The following KIAA0232 variants were observed in gnomAD, a reference collection of about 807,000 sequenced individuals.
The protein encoded by KIAA0232 is uncharacterized protein KIAA0232.
In KIAA0232, 27 loss-of-function variants were observed where a neutral mutation model predicts 122.0. The observed-to-expected ratio is 0.22, with a 90% CI of 0.16 to 0.31. The LOEUF (loss-of-function observed/expected upper bound fraction) is 0.31. Ranked by LOEUF, KIAA0232 falls within the 10% of genes least tolerant of loss-of-function variation. KIAA0232 has a pLI of 1.00. For synonymous variants in KIAA0232, 613 were observed against 587.6 expected (o/e 1.04, Z -0.63); for missense variants, 1,551 against 1,634.2 (o/e 0.95, Z 0.88).
At chr4:6,785,146 C>T (rs1716561440) in intron 1 of KIAA0232, among the ~76,000 whole-genome samples, 1 of 152,046 alleles carries the variant, frequency 6.6e-6, no homozygotes, top group African/African-American at 2.4e-5. Flanking sequence ...ACCGTGTTAG[C>T]CAGGATGGTC....
intron 4 of KIAA0232, 64 bp downstream of exon 4, chr4:6,842,268 ATATGACAACTTGACCTCC>A: frequency 6.6e-7 from 1 of 1,507,774 alleles, no homozygotes; most frequent in Non-Finnish European, 8.9e-7. Context: ...AAGTTTACAA[ATATGACAACTTGACCTCC>A]AAAAACTGGG....
Position 6,797,248 on chromosome 4 carries a change from A to G in KIAA0232, c.-353-7275A>G, listed in dbSNP as rs530949368. Among the ~76,000 whole-genome samples the G allele has an allele frequency of 2.6e-5, 4 of 152,298 alleles. No homozygotes were observed. In the South Asian group the frequency reaches 6.2e-4, roughly 24 times the overall value. On this transcript the variant is annotated intron_variant, in intron 1 of 9. Coordinates refer to ENST00000307659, the MANE Select transcript of KIAA0232 (RefSeq NM_014743.3). ...TACTTAGGCCTTGCCAGGGTGGGCA[A>G]AAGATGACGTTGAAAAAGATCAGGT...
intron 4 of KIAA0232, among the ~76,000 whole-genome samples, chr4:6,846,461 T>C (rs1460371247): frequency 6.6e-6 from 1 of 152,102 alleles, no homozygotes; most frequent in African/African-American, 2.4e-5. Flanking sequence ...CAAACCCTAT[T>C]GTGGACTGAG....
At chr4:6,805,803 T>G (rs1443611294) in intron 2 of KIAA0232, among the ~76,000 whole-genome samples, 1 of 152,204 alleles carries the variant, frequency 6.6e-6, no homozygotes, top group African/African-American at 2.4e-5. Context: ...TATTTTAGTT[T>G]TTTTCCAAGT....
intron 1 of KIAA0232, among the ~76,000 whole-genome samples, chr4:6,804,148 G>A (rs906601491): frequency 5.3e-5 from 8 of 152,252 alleles, no homozygotes; most frequent in African/African-American, 1.7e-4. Context: ...CAGATTCAAG[G>A]ATGCCTTAAA....
At chr4:6,844,391 C>A (rs75914380) in intron 4 of KIAA0232, among the ~76,000 whole-genome samples, 22 of 152,162 alleles carry the variant, frequency 1.4e-4, no homozygotes, top group African/African-American at 4.6e-4. Context: ...CTGTTTTCTT[C>A]TCCCCCACCT....
chr4:6,820,667 T>G lies in KIAA0232; in HGVS notation c.-269-3518T>G, dbSNP rs1718379093. Among the ~76,000 whole-genome samples, 18 of 152,230 alleles carry G rather than the reference T, an allele frequency of 1.2e-4. 1 individual carries two copies. The South Asian group carries it at 3.6e-3, about 31-fold the overall frequency. ...TATTAAATAAAAGCTCTACAATGTT[T>G]TGTATTATTTTTGTTTAAGCAATTG... On this transcript the variant is annotated intron_variant, in intron 2 of 9. Transcript: ENST00000307659.
chr4:6,831,608 A>G (rs1275762304), intron 3 of KIAA0232, among the ~76,000 whole-genome samples: 2 of 152,192 alleles, frequency 1.3e-5, no homozygotes, highest in Non-Finnish European at 2.9e-5. Flanking sequence ...AAAATGTACA[A>G]CTTGATGAAT....
chr4:6,825,866 G>T (rs1006601544), intron 3 of KIAA0232, among the ~76,000 whole-genome samples: 2 of 152,152 alleles, frequency 1.3e-5, no homozygotes, highest in African/African-American at 4.8e-5. Flanking sequence ...GGGTTTCATT[G>T]TCAGGAGATA....
At chr4:6,874,570 C>T (rs1721655919) in intron 8 of KIAA0232, among the ~76,000 whole-genome samples, 1 of 152,134 alleles carries the variant, frequency 6.6e-6, no homozygotes, top group Non-Finnish European at 1.5e-5. Context: ...ATGTAAGCGT[C>T]TGGATGATTT....
At chr4:6,846,229 A>G (rs1192786686) in intron 4 of KIAA0232, among the ~76,000 whole-genome samples, 1 of 152,140 alleles carries the variant, frequency 6.6e-6, no homozygotes, top group Non-Finnish European at 1.5e-5. Flanking sequence ...TATGGAATGA[A>G]TGAGGAGAGT....
At chr4:6,833,647 G>GA (rs201974616) in intron 3 of KIAA0232, among the ~76,000 whole-genome samples, 3 of 149,926 alleles carry the variant, frequency 2.0e-5, no homozygotes, top group Non-Finnish European at 3.0e-5. Flanking sequence ...AGGAAAAAAA[G>GA]AAAAAAAAAG....
chr4:6,808,752 A>G (rs1717749742), intron 2 of KIAA0232, among the ~76,000 whole-genome samples: 1 of 152,070 alleles, frequency 6.6e-6, no homozygotes, highest in Non-Finnish European at 1.5e-5. Flanking sequence ...CCCACCTGCT[A>G]GTATTATGAA....
intron 8 of KIAA0232, among the ~76,000 whole-genome samples, chr4:6,874,670 T>G (rs1721659390): frequency 6.6e-6 from 1 of 152,170 alleles, no homozygotes; most frequent in East Asian, 1.9e-4. Flanking sequence ...ATCCAGAGCT[T>G]CTTTCCCCAG....
At chr4:6,814,983 A>G (rs1718052409) in intron 2 of KIAA0232, among the ~76,000 whole-genome samples, 1 of 152,182 alleles carries the variant, frequency 6.6e-6, no homozygotes. Context: ...CATAAGAGAA[A>G]GATAAGATGA....
chr4:6,784,677 A>G (rs902991286), intron 1 of KIAA0232, among the ~76,000 whole-genome samples: 1 of 152,234 alleles, frequency 6.6e-6, no homozygotes. Flanking sequence ...TAATCATTCA[A>G]AAAGTGGTTT....
chr4:6,875,182 A>C lies in KIAA0232; in HGVS notation c.3911-1478A>C, dbSNP rs1189383124. 2.0e-5 allele frequency among the ~76,000 whole-genome samples: 3 copies of C among 152,232 alleles called. No individual in the cohort carries two copies. In the East Asian group the frequency reaches 5.8e-4, roughly 29 times the overall value. On this transcript the variant is annotated intron_variant, in intron 8 of 9. Coordinates refer to ENST00000307659, the MANE Select transcript of KIAA0232 (RefSeq NM_014743.3). ...GCCGCCCTAGGGCAACCACGCCTCC[A>C]AGCCTATGGCTTTGATAAGCAGCGG...
chr4:6,864,339 A>T lies in KIAA0232; in HGVS notation c.3801+156A>T, dbSNP rs763788758. Among the ~76,000 whole-genome samples the T allele has an allele frequency of 1.2e-3, 177 of 152,236 alleles. 1 individual carries two copies. Among genetic ancestry groups the T allele is most frequent in the Non-Finnish European group, 2.2e-3 (153 of 68,038 alleles). ...GTTCTAATTTTACATGTAAGGACTT[A>T]AAATGGATTTGATATTTATGAATTT... On this transcript the variant is annotated intron_variant, in intron 7 of 9. Coordinates refer to ENST00000307659, the MANE Select transcript of KIAA0232 (RefSeq NM_014743.3).
chr4:6,817,185 T>C (rs562463196), intron 2 of KIAA0232, among the ~76,000 whole-genome samples: 4 of 152,312 alleles, frequency 2.6e-5, no homozygotes, highest in South Asian at 4.2e-4. Flanking sequence ...TACATTTCTT[T>C]CTCAGGACTG....
Sources: gnomAD v4.1 joint callset for allele counts (sites outside exome capture counted in the v4.1 genomes callset) on GRCh38, gnomAD v4.1.1 for gene constraint, MANE v1.5 for transcripts, NCBI Gene and HGNC (gene_info 2026-07-23, HGNC 2026-07-21) for gene names.